WASHC2C: variants seen among roughly 807,000 people sequenced by gnomAD.
WASHC2C encodes the protein Vaccinia Penetration Factor.
Under a neutral mutation model 142.2 loss-of-function variants are expected in WASHC2C, and 73 were observed. That is an observed-to-expected ratio of 0.51 (90% CI 0.43 to 0.62). The LOEUF is 0.62. Among genes scored for constraint, WASHC2C ranks in the 20% least tolerant of loss-of-function variants. The pLI is 0.00. For missense variants in WASHC2C, 969 were observed against 1,531.7 expected, an observed-to-expected ratio of 0.63 and a Z score of 6.13; for synonymous variants, 337 against 565.5, an observed-to-expected ratio of 0.60 and a Z score of 5.73.
chr10:45,729,940 T>C (rs1406584162), intron 3 of WASHC2C, among the ~76,000 whole-genome samples: 1 of 152,224 alleles, frequency 6.6e-6, no homozygotes, highest in Admixed American at 6.5e-5. Context: ...TGCCACTTCC[T>C]GTCTTTTTTT....
At chr10:45,749,863 A>ATATTTATATT (rs1447802238) in intron 8 of WASHC2C, among the ~76,000 whole-genome samples, 2 of 116,626 alleles carry the variant, frequency 1.7e-5, no homozygotes, top group East Asian at 5.9e-4. Flanking sequence ...ATATTTATAT[A>ATATTTATATT]TATATATATT....
rs553193856 is a variant in WASHC2C at position 45,763,774 on chromosome 10, C to T, written c.1737+285C>T. ...TCACCCAGGCTGGAGTGCAGTGATG[C>T]GATCTTGGCTCACTGTAACCGGGTT... On this transcript the variant is annotated intron_variant, in intron 18 of 30. Coordinates refer to ENST00000623400, the MANE Select transcript of WASHC2C (RefSeq NM_001330074.2). Among the ~76,000 whole-genome samples, 37 of 150,486 alleles carry T rather than the reference C, an allele frequency of 2.5e-4. No homozygotes were observed. In the South Asian group the frequency reaches 5.9e-3, roughly 24 times the overall value.
intron 23 of WASHC2C, among the ~76,000 whole-genome samples, chr10:45,781,443 C>T (rs1328885628): frequency 6.6e-6 from 1 of 151,244 alleles, no homozygotes; most frequent in African/African-American, 2.4e-5. Context: ...AAGACTCACA[C>T]TTCCTGATTT....
At chr10:45,743,993 C>T (rs1451148670) in intron 6 of WASHC2C, among the ~76,000 whole-genome samples, 9 of 151,212 alleles carry the variant, frequency 6.0e-5, no homozygotes, top group Non-Finnish European at 1.0e-4. Context: ...ATGATCTGCC[C>T]GCCTCGGCCT....
At chr10:45,758,473 A>G (rs1166878546) in intron 16 of WASHC2C, among the ~76,000 whole-genome samples, 14 of 151,852 alleles carry the variant, frequency 9.2e-5, no homozygotes, top group African/African-American at 2.2e-4. Flanking sequence ...TTTTAATTCT[A>G]TATTTCTTAT....
intron 8 of WASHC2C, among the ~76,000 whole-genome samples, chr10:45,749,151 G>A (rs2053219024): frequency 6.6e-6 from 1 of 151,912 alleles, no homozygotes; most frequent in South Asian, 2.1e-4. Context: ...GGTGGCTCAC[G>A]CCTGTAATCC....
intron 17 of WASHC2C, among the ~76,000 whole-genome samples, chr10:45,759,978 C>A (rs1466641495): frequency 4.7e-5 from 7 of 149,354 alleles, no homozygotes; most frequent in Non-Finnish European, 1.0e-4. Flanking sequence ...TGTTCATGGG[C>A]TCATGATGTG....
chr10:45,738,266 G>C (rs1425802958), intron 4 of WASHC2C, among the ~76,000 whole-genome samples: 1 of 151,734 alleles, frequency 6.6e-6, no homozygotes, highest in Non-Finnish European at 1.5e-5. Context: ...GAATAGAGTA[G>C]AAGTCAGCAA....
At chr10:45,783,621 C>T (rs1455397406) in intron 23 of WASHC2C, among the ~76,000 whole-genome samples, 45 of 152,108 alleles carry the variant, frequency 3.0e-4, no homozygotes, top group African/African-American at 8.4e-4. Flanking sequence ...CCACCACACC[C>T]GGCTGATCTT....
chr10:45,780,615 A>G (rs2057417888), intron 23 of WASHC2C, among the ~76,000 whole-genome samples: 1 of 152,240 alleles, frequency 6.6e-6, no homozygotes, highest in African/African-American at 2.4e-5. Flanking sequence ...GAAAGTCTTA[A>G]GGAATCTGCA....
intron 3 of WASHC2C, among the ~76,000 whole-genome samples, chr10:45,730,116 G>A (rs1348527859): frequency 2.2e-5 from 3 of 135,904 alleles, no homozygotes; most frequent in African/African-American, 2.8e-5. Context: ...AGGCCAAGAC[G>A]GGTGGATCAC....
intron 20 of WASHC2C, among the ~76,000 whole-genome samples, chr10:45,771,957 AT>A (rs1290918242): frequency 6.6e-6 from 1 of 152,246 alleles, no homozygotes; most frequent in African/African-American, 2.4e-5. Context: ...ATGAGTGTTT[AT>A]TGCAGCCTTA....
chr10:45,791,700 A>G (rs2135860949), intron 30 of WASHC2C, among the ~76,000 whole-genome samples: 1 of 146,242 alleles, frequency 6.8e-6, no homozygotes, highest in African/African-American at 2.5e-5. Context: ...ACATGCTAAA[A>G]TCATGGTTGG....
chr10:45,769,603 C>T lies in WASHC2C; in HGVS notation c.2024C>T (p.Ala675Val). The T allele has an allele frequency of 3.1e-6, 5 of 1,611,832 alleles. No homozygotes were observed. The highest frequency in any genetic ancestry group is 4.2e-6 in the Non-Finnish European group (5 of 1,179,836). Residue 675 changes from alanine to valine, a missense_variant, in exon 20 of 31, where the codon GCC becomes GTC. Coordinates refer to ENST00000623400, the MANE Select transcript of WASHC2C (RefSeq NM_001330074.2). ...FEEDKEDDLF[A>V]IAKDSQKKTQ... ...GAAGACAAAGAAGATGATCTTTTTG[C>T]CATTGCCAAGGACAGGTGAGATAGT...
chr10:45,766,671 T>C (rs1328686818), intron 19 of WASHC2C, among the ~76,000 whole-genome samples: 43 of 141,126 alleles, frequency 3.0e-4, no homozygotes, highest in Non-Finnish European at 4.9e-4. Flanking sequence ...TTTGAGGGAG[T>C]CTTAACAATA....
chr10:45,729,162 A>G (rs1185696260), intron 3 of WASHC2C, 136 bp downstream of exon 3: 4 of 1,073,426 alleles, frequency 3.7e-6, no homozygotes, highest in East Asian at 2.7e-5. Context: ...TTTCTCTGGG[A>G]TTAACGCCTC....
At chr10:45,729,219 A>C (rs1161947757) in intron 3 of WASHC2C, among the ~76,000 whole-genome samples, 193 bp downstream of exon 3, 1 of 152,214 alleles carries the variant, frequency 6.6e-6, no homozygotes, top group Non-Finnish European at 1.5e-5. Flanking sequence ...GCCTCTAAAA[A>C]AGTCTAATGA....
In WASHC2C at chr10:45,738,082, C is replaced by T. The variant is rs782206658; in HGVS notation, c.354+37C>T. The T allele has an allele frequency of 1.2e-5, 19 of 1,610,674 alleles. No homozygotes were observed. In the Admixed American group the frequency reaches 3.0e-4, roughly 25 times the overall value. ...AAATCACTCTTAGCTGAGTTTCTGA[C>T]TTTGAAAAGTGTGGTGGAGATCGAT... On this transcript the variant is annotated intron_variant, in intron 4 of 30. Coordinates refer to ENST00000623400, the MANE Select transcript of WASHC2C (RefSeq NM_001330074.2).
Position 45,750,740 on chromosome 10 carries a change from T to G in WASHC2C, c.844-11T>G, listed in dbSNP as rs782368154. Reference sequence around the variant, plus strand: ...ACAAAAAAGCGATTCTTTTGATTTCTCCTGCTGTAGAAAAGAAGCAGACCT... The same window carrying G: ...ACAAAAAAGCGATTCTTTTGATTTCGCCTGCTGTAGAAAAGAAGCAGACCT... On this transcript the variant is annotated splice_polypyrimidine_tract_variant and intron_variant, in intron 9 of 30. Transcript: ENST00000623400. The G allele has an allele frequency of 5.4e-5, 84 of 1,547,292 alleles. No individual in the cohort carries two copies. Among genetic ancestry groups the G allele is most frequent in the Non-Finnish European group, 1.4e-5 (16 of 1,146,444 alleles).
Sources: gnomAD v4.1 joint callset for allele counts (sites outside exome capture counted in the v4.1 genomes callset) on GRCh38, gnomAD v4.1.1 for gene constraint, MANE v1.5 for transcripts, NCBI Gene and HGNC (gene_info 2026-07-23, HGNC 2026-07-21) for gene names.